Variants in HMCN1 observed in about 807,000 individuals in gnomAD.
HMCN1 encodes the protein hemicentin-1.
HMCN1 carries 321 observed loss-of-function variants against 625.9 expected under a neutral mutation model. The ratio of observed to expected loss-of-function variants is 0.51; its 90% CI spans 0.47 to 0.56. The LOEUF is 0.56. Ranked by LOEUF, HMCN1 falls within the 20% of genes least tolerant of loss-of-function variation. The pLI is 0.00. For synonymous variants in HMCN1, 2,425 were observed against 2,417.6 expected (o/e 1.00, Z -0.09); for missense variants, 6,588 against 6,887.3 (o/e 0.96, Z 1.54).
chr1:185,914,620 G>A (rs539792372), intron 6 of HMCN1, among the ~76,000 whole-genome samples: 1 of 151,498 alleles, frequency 6.6e-6, no homozygotes, highest in Non-Finnish European at 1.5e-5. Context: ...TTTCTTTCAA[G>A]CTGTTCCTTC....
At chr1:185,899,227 A>G (rs1665667550) in intron 4 of HMCN1, among the ~76,000 whole-genome samples, 1 of 152,120 alleles carries the variant, frequency 6.6e-6, no homozygotes, top group Non-Finnish European at 1.5e-5. Flanking sequence ...AATTTCTATC[A>G]GTACTATAAA....
intron 1 of HMCN1, among the ~76,000 whole-genome samples, chr1:185,756,972 ATTTAT>A (rs1655174129): frequency 6.6e-6 from 1 of 151,752 alleles, no homozygotes; most frequent in Non-Finnish European, 1.5e-5. Flanking sequence ...CTTCCCATAG[ATTTAT>A]TTTATTTTAT....
In HMCN1 at chr1:185,734,625, T is replaced by G. The variant is rs1653419940; in HGVS notation, c.-155T>G. The G allele has an allele frequency of 8.4e-6, 6 of 717,608 alleles. No homozygotes were observed. In the South Asian group the frequency reaches 9.8e-5, roughly 12 times the overall value. The allele number at this position is 717,608 out of a possible 1,614,324, so 44.5% of individuals were successfully genotyped here. On this transcript the variant is annotated 5_prime_UTR_variant, in exon 1 of 107. Transcript: ENST00000271588. The stretch of plus-strand genomic sequence containing the variant: ...TGGAGGGATTCGAGTTTGGTGCTTG[T>G]CCCCGTCTGATTCTCAGCGCCAAAC...
chr1:186,153,713 GC>G (rs756095908), intron 96 of HMCN1, 36 bp from the exon 97 acceptor site: 130 of 1,556,432 alleles, frequency 8.4e-5, no homozygotes, highest in Non-Finnish European at 1.1e-4. Context: ...ATTAGTATGA[GC>G]CATATTGATC....
intron 21 of HMCN1, 123 bp downstream of exon 21, chr1:185,989,770 CTAT>C (rs1652285393): frequency 9.5e-6 from 5 of 527,930 alleles, no homozygotes; most frequent in Non-Finnish European, 1.5e-5. Context: ...CCCCAGATTT[CTAT>C]TTTTTTTTTT....
intron 71 of HMCN1, among the ~76,000 whole-genome samples, chr1:186,110,417 A>C (rs1199274026): frequency 6.6e-6 from 1 of 152,206 alleles, no homozygotes; most frequent in Non-Finnish European, 1.5e-5. Flanking sequence ...GGTGTACTAA[A>C]AGCCAAGGAA....
Position 186,109,501 on chromosome 1 carries a change from T to C in HMCN1, c.10989+904T>C, listed in dbSNP as rs573825041. The stretch of plus-strand genomic sequence containing the variant: ...TTTACCTCAAAGAGCTCACTCACTA[T>C]CTGAGAAGACAGGTTAGTCAAAGAT... On this transcript the variant is annotated intron_variant, in intron 71 of 106. Transcript: ENST00000271588. 1.8e-4 allele frequency among the ~76,000 whole-genome samples: 28 copies of C among 152,332 alleles called. No individual in the cohort carries two copies. In the South Asian group the frequency reaches 5.6e-3, roughly 30 times the overall value.
intron 69 of HMCN1, among the ~76,000 whole-genome samples, chr1:186,105,541 G>T (rs767937888): frequency 1.3e-5 from 2 of 152,124 alleles, no homozygotes; most frequent in African/African-American, 4.8e-5. Flanking sequence ...AAGAGGGGAG[G>T]GGACCACTCT....
At chr1:186,043,842 G>C (rs1010568136) in intron 40 of HMCN1, among the ~76,000 whole-genome samples, 1 of 152,118 alleles carries the variant, frequency 6.6e-6, no homozygotes, top group Non-Finnish European at 1.5e-5. Context: ...GGCCGAGGTG[G>C]GTGGATCGCC....
At position 186,074,775 on chromosome 1, in the gene HMCN1, C is replaced by T. The variant is rs138928800; in HGVS notation, c.8174C>T (p.Ala2725Val). The stretch of plus-strand genomic sequence containing the variant: ...TCCGATGATCATGTTAATATTGCTG[C>T]GAATGGACACACACTTCAAATAAAG... ...LKSDDHVNIA[A>V]NGHTLQIKEA... Residue 2725 changes from alanine (A) to valine (V), a missense_variant, in exon 53 of 107, where the codon GCG becomes GTG. Transcript: ENST00000271588. The T allele has an allele frequency of 6.0e-4, 960 of 1,612,652 alleles. 3 individuals are homozygous for T. Among genetic ancestry groups the T allele is most frequent in the East Asian group, 1.2e-3 (55 of 44,716 alleles).
In HMCN1 at chr1:186,108,390, A is replaced by G. The variant is rs1365084893; in HGVS notation, c.10853-71A>G. On this transcript the variant is annotated intron_variant, in intron 70 of 106. Transcript: ENST00000271588. ...TTTTATGCCTCTTATTATTTCATAT[A>G]GCAGAACCAACATTTTTTGGATACC... 7 of 1,609,502 alleles carry G rather than the reference A, an allele frequency of 4.3e-6. No individual in the cohort carries two copies. In the African/African-American group the frequency reaches 8.0e-5, roughly 18 times the overall value.
intron 18 of HMCN1, among the ~76,000 whole-genome samples, chr1:185,983,670 T>C (rs1651814300): frequency 6.6e-6 from 1 of 152,186 alleles, no homozygotes; most frequent in Non-Finnish European, 1.5e-5. Flanking sequence ...ACAATTCAGA[T>C]GTCACATATT....
At chr1:185,862,395 C>T (rs958399969) in intron 2 of HMCN1, among the ~76,000 whole-genome samples, 3 of 151,866 alleles carry the variant, frequency 2.0e-5, no homozygotes, top group African/African-American at 4.8e-5. Context: ...TTATGGAAGT[C>T]GAATGAATGA....
At chr1:185,866,397 ATTTTTTTTTT>A (rs969071873) in intron 4 of HMCN1, among the ~76,000 whole-genome samples, 3 of 102,578 alleles carry the variant, frequency 2.9e-5, no homozygotes, top group African/African-American at 1.2e-4. Flanking sequence ...GTTTGTCATA[ATTTTTTTTTT>A]TTTTTTTTTT....
intron 1 of HMCN1, among the ~76,000 whole-genome samples, chr1:185,796,712 A>G (rs1468197421): frequency 6.6e-6 from 1 of 152,172 alleles, no homozygotes; most frequent in African/African-American, 2.4e-5. Flanking sequence ...ACATACATAT[A>G]TACACACACT....
chr1:185,887,757 G>T (rs1036394102), intron 4 of HMCN1, among the ~76,000 whole-genome samples: 5 of 139,488 alleles, frequency 3.6e-5, no homozygotes, highest in African/African-American at 8.6e-5. Context: ...GAATAATGCC[G>T]CAATAAACAT....
chr1:186,123,012 G>A lies in HMCN1; in HGVS notation c.12291G>A (p.Thr4097=), dbSNP rs1355556417. The change falls in exon 81 of 107, where the codon ACG becomes ACA. Residue 4097 remains threonine (T), a synonymous_variant. Coordinates refer to ENST00000271588, the MANE Select transcript of HMCN1 (RefSeq NM_031935.3). ...TTATTGCTGTGGACAAGCCCATCAC[G>A]TTATCCTGTGAAGCAGATGGCCTCC... The part of the protein sequence containing the change: ...EYVIAVDKPI[T]LSCEADGLPP... 15 of 1,614,072 alleles carry A rather than the reference G, an allele frequency of 9.3e-6. No homozygotes were observed. The highest frequency in any genetic ancestry group is 4.5e-5 in the East Asian group (2 of 44,880).
At chr1:186,097,702 A>G (rs1660199192) in intron 68 of HMCN1, among the ~76,000 whole-genome samples, 1 of 152,090 alleles carries the variant, frequency 6.6e-6, no homozygotes, top group Non-Finnish European at 1.5e-5. Flanking sequence ...GAAAAAAAAA[A>G]TCTAAAATTT....
intron 10 of HMCN1, 146 bp downstream of exon 10, chr1:185,928,813 C>T: frequency 2.3e-6 from 2 of 872,138 alleles, no homozygotes; most frequent in South Asian, 1.4e-5. Context: ...GAACTCAAAT[C>T]CTGTGCTCAC....
Sources: gnomAD v4.1 joint callset for allele counts (sites outside exome capture counted in the v4.1 genomes callset) on GRCh38, gnomAD v4.1.1 for gene constraint, MANE v1.5 for transcripts, NCBI Gene and HGNC (gene_info 2026-07-23, HGNC 2026-07-21) for gene names.